MARCHF1: variants seen among roughly 807,000 people sequenced by gnomAD.
MARCHF1 encodes the protein E3 ubiquitin-protein ligase MARCHF1.
A neutral mutation model predicts 54.2 loss-of-function variants in MARCHF1; 40 were observed. The ratio of observed to expected loss-of-function variants is 0.74; its 90% CI spans 0.57 to 0.96. The LOEUF is 0.96. MARCHF1 is among the 40% of genes least tolerant of loss of function. The pLI is 0.00. For synonymous variants in MARCHF1, 236 were observed against 236.3 expected, an observed-to-expected ratio of 1.00 and a Z score of 0.01; for missense variants, 586 against 656.5, an observed-to-expected ratio of 0.89 and a Z score of 1.17.
chr4:163,858,735 C>A (rs571609186), intron 3 of MARCHF1, among the ~76,000 whole-genome samples: 1 of 152,262 alleles, frequency 6.6e-6, no homozygotes, highest in African/African-American at 2.4e-5. Context: ...TGAGAAAACT[C>A]TAACATTCAT....
intron 2 of MARCHF1, among the ~76,000 whole-genome samples, chr4:164,070,118 G>A (rs1288413453): frequency 6.6e-6 from 1 of 152,132 alleles, no homozygotes; most frequent in Non-Finnish European, 1.5e-5. Flanking sequence ...CTACTAAAGT[G>A]GGGAGAAAGG....
intron 2 of MARCHF1, among the ~76,000 whole-genome samples, chr4:164,076,654 A>T (rs1425698908): frequency 6.6e-6 from 1 of 152,210 alleles, no homozygotes; most frequent in African/African-American, 2.4e-5. Flanking sequence ...CTGAGCCCCA[A>T]ATCTCCTTAA....
intron 5 of MARCHF1, among the ~76,000 whole-genome samples, chr4:163,614,969 G>A (rs991206278): frequency 1.3e-5 from 2 of 152,062 alleles, no homozygotes; most frequent in Non-Finnish European, 2.9e-5. Context: ...GCTTAAAAAG[G>A]CTAGAAAATG....
chr4:163,681,682 T>A (rs1744109623), intron 5 of MARCHF1, among the ~76,000 whole-genome samples: 1 of 152,208 alleles, frequency 6.6e-6, no homozygotes, highest in African/African-American at 2.4e-5. Flanking sequence ...TGCTGCTTCT[T>A]CCACCATGAT....
intron 1 of MARCHF1, among the ~76,000 whole-genome samples, chr4:164,199,710 AGAAG>A (rs1340308696): frequency 1.4e-5 from 2 of 147,108 alleles, no homozygotes; most frequent in African/African-American, 5.1e-5. Flanking sequence ...AGAGAGAGAG[AGAAG>A]AGAGGAGAAG....
intron 3 of MARCHF1, among the ~76,000 whole-genome samples, chr4:163,983,024 G>A (rs1322542559): frequency 6.6e-6 from 1 of 152,134 alleles, no homozygotes; most frequent in Non-Finnish European, 1.5e-5. Flanking sequence ...GAATGGGGAG[G>A]GTTGGTTCTC....
intron 1 of MARCHF1, among the ~76,000 whole-genome samples, chr4:164,290,262 G>A (rs2111364168): frequency 6.6e-6 from 1 of 152,066 alleles, no homozygotes; most frequent in Middle Eastern, 3.4e-3. Context: ...ATGAATGGAT[G>A]ATTAGTGATG....
At chr4:163,626,267 T>C (rs2110974864) in intron 5 of MARCHF1, among the ~76,000 whole-genome samples, 1 of 152,342 alleles carries the variant, frequency 6.6e-6, no homozygotes, top group South Asian at 2.1e-4. Context: ...CTTAGTGGCA[T>C]CTAGGCCATG....
At chr4:163,957,345 C>A (rs1286299731) in intron 3 of MARCHF1, among the ~76,000 whole-genome samples, 1 of 152,028 alleles carries the variant, frequency 6.6e-6, no homozygotes, top group Non-Finnish European at 1.5e-5. Context: ...TAAGTCCATG[C>A]AGCAGAACAA....
At chr4:163,905,792 T>C (rs1371898246) in intron 3 of MARCHF1, among the ~76,000 whole-genome samples, 3 of 152,048 alleles carry the variant, frequency 2.0e-5, no homozygotes, top group African/African-American at 7.2e-5. Context: ...ATTCCAATTC[T>C]TCTTCACCTG....
At chr4:163,796,164 A>G (rs774730868) in intron 4 of MARCHF1, among the ~76,000 whole-genome samples, 1 of 151,484 alleles carries the variant, frequency 6.6e-6, no homozygotes, top group Admixed American at 6.6e-5. Flanking sequence ...TCAAGGGTCA[A>G]TTGCATATAA....
chr4:164,271,954 AAGACAT>A (rs1733755207), intron 1 of MARCHF1, among the ~76,000 whole-genome samples: 1 of 152,124 alleles, frequency 6.6e-6, no homozygotes, highest in African/African-American at 2.4e-5. Flanking sequence ...ACGGAAAAAT[AAGACAT>A]AGAACAAGCA....
chr4:163,599,014 C>T (rs919198980), intron 7 of MARCHF1, among the ~76,000 whole-genome samples: 11 of 152,074 alleles, frequency 7.2e-5, no homozygotes, highest in Admixed American at 5.9e-4. Context: ...TTTGGCTGGG[C>T]GTGGTGACTC....
At chr4:163,683,470 A>G (rs892190122) in intron 5 of MARCHF1, among the ~76,000 whole-genome samples, 8 of 152,200 alleles carry the variant, frequency 5.3e-5, no homozygotes, top group Non-Finnish European at 1.5e-5. Flanking sequence ...AAACCACGTC[A>G]ATGATCTAGA....
chr4:163,841,973 T>C (rs1749352529), intron 4 of MARCHF1, among the ~76,000 whole-genome samples: 1 of 152,116 alleles, frequency 6.6e-6, no homozygotes, highest in Non-Finnish European at 1.5e-5. Context: ...TAATTACAGT[T>C]GACAATTACT....
Position 163,717,697 on chromosome 4 carries a change from T to G in MARCHF1, c.112-16834A>C, listed in dbSNP as rs529114210. Reference sequence around the variant, plus strand: ...TTTTAACGACCGCCATTCTAACTGGTGTGAGATGGTATCTCATTGTGGTTT... The same window carrying G: ...TTTTAACGACCGCCATTCTAACTGGGGTGAGATGGTATCTCATTGTGGTTT... On this transcript the variant is annotated intron_variant, in intron 4 of 9. Coordinates refer to ENST00000514618, the MANE Select transcript of MARCHF1 (RefSeq NM_001394959.1). 6.3e-3 allele frequency among the ~76,000 whole-genome samples: 959 copies of G among 152,304 alleles called. 6 individuals carry two copies. The highest frequency in any genetic ancestry group is 0.022 in the African/African-American group (904 of 41,572).
At chr4:164,000,703 G>T (rs1239286384) in intron 2 of MARCHF1, among the ~76,000 whole-genome samples, 1 of 151,610 alleles carries the variant, frequency 6.6e-6, no homozygotes, top group Non-Finnish European at 1.5e-5. Context: ...CCATACAATG[G>T]ATAATAGCTA....
chr4:163,543,220 G>C (rs557186100), intron 9 of MARCHF1, among the ~76,000 whole-genome samples: 1 of 152,254 alleles, frequency 6.6e-6, no homozygotes, highest in East Asian at 1.9e-4. Flanking sequence ...CAAAACTGGA[G>C]AAAGTCTAGT....
intron 2 of MARCHF1, among the ~76,000 whole-genome samples, chr4:164,083,642 C>G (rs1050248886): frequency 6.6e-6 from 1 of 152,080 alleles, no homozygotes; most frequent in African/African-American, 2.4e-5. Flanking sequence ...TCACGGCATT[C>G]CCTCCAAATC....
Sources: allele counts gnomAD v4.1 joint callset (sites outside exome capture counted in the v4.1 genomes callset), GRCh38; gene constraint gnomAD v4.1.1; transcripts MANE v1.5; gene names NCBI Gene and HGNC (gene_info 2026-07-23, HGNC 2026-07-21).